Variants in OSBPL3 observed in about 807,000 individuals in gnomAD.
The protein encoded by OSBPL3 is oxysterol-binding protein-related protein 3.
OSBPL3 carries 65 observed loss-of-function variants against 120.1 expected under a neutral mutation model. The observed-to-expected ratio is 0.54, with a 90% CI of 0.44 to 0.67. OSBPL3 has a LOEUF of 0.67. Ranked by LOEUF, OSBPL3 falls within the 30% of genes least tolerant of loss-of-function variation. OSBPL3 has a pLI of 0.00. For synonymous variants in OSBPL3, 416 were observed against 402.6 expected (o/e 1.03, Z -0.40); for missense variants, 1,004 against 1,082.1 (o/e 0.93, Z 1.01).
chr7:24,811,508 T>C (rs1368240269), intron 19 of OSBPL3, among the ~76,000 whole-genome samples: 2 of 152,270 alleles, frequency 1.3e-5, no homozygotes, highest in African/African-American at 4.8e-5. Flanking sequence ...TAGTTTGATA[T>C]AATCCCATTT....
In OSBPL3 at chr7:24,979,617, T is replaced by C. The variant is rs548909005; in HGVS notation, c.-150+269A>G. Among the ~76,000 whole-genome samples, 1,027 of 152,018 alleles carry C rather than the reference T, an allele frequency of 6.8e-3. 9 individuals carry two copies. The highest frequency in any genetic ancestry group is 0.023 in the African/African-American group (949 of 41,448). On this transcript the variant is annotated intron_variant, in intron 1 of 22. Transcript: ENST00000313367. ...CGCCGCGGCCCCTGCGCTCGGCTCCTCCTGGCGGTCAATCCTCTGAGCCGT... is the reference window on the plus strand; with the variant it reads ...CGCCGCGGCCCCTGCGCTCGGCTCCCCCTGGCGGTCAATCCTCTGAGCCGT...
At position 24,851,361 on chromosome 7, in the gene OSBPL3, A is replaced by C. The variant is rs1003093395; in HGVS notation, c.1158+1143T>G. 2.6e-5 allele frequency among the ~76,000 whole-genome samples: 4 copies of C among 152,252 alleles called. No individual in the cohort carries two copies. The highest frequency in any genetic ancestry group is 5.9e-5 in the Non-Finnish European group (4 of 68,054). On this transcript the variant is annotated intron_variant, in intron 11 of 22. Coordinates refer to ENST00000313367, the MANE Select transcript of OSBPL3 (RefSeq NM_015550.4). The surrounding 1 kb of genome is among the most constrained non-coding windows in gnomAD (Gnocchi z 4.1). The stretch of plus-strand genomic sequence containing the variant: ...GTTATTTTTAATTTCTTTTGAAGAT[A>C]GCATACTTGTAATGGTCCATCAGTG...
intron 1 of OSBPL3, among the ~76,000 whole-genome samples, chr7:24,917,126 T>C (rs1178771052): frequency 6.6e-6 from 1 of 151,980 alleles, no homozygotes; most frequent in Non-Finnish European, 1.5e-5. Context: ...GCTTATCTAC[T>C]ACCCCAGCAC....
intron 12 of OSBPL3, among the ~76,000 whole-genome samples, chr7:24,845,594 A>G (rs1798349845): frequency 6.9e-6 from 1 of 145,508 alleles, no homozygotes; most frequent in African/African-American, 2.5e-5. Flanking sequence ...TGTCAATTTC[A>G]CTGAAAATAT....
intron 7 of OSBPL3, 43 bp downstream of exon 7, chr7:24,865,299 T>A (rs536806451): frequency 1.2e-6 from 2 of 1,605,404 alleles, no homozygotes; most frequent in South Asian, 2.2e-5. Flanking sequence ...ACCAGTATCA[T>A]CTAATAGCCA....
intron 1 of OSBPL3, among the ~76,000 whole-genome samples, chr7:24,957,731 A>G (rs948350270): frequency 6.6e-6 from 1 of 152,134 alleles, no homozygotes; most frequent in African/African-American, 2.4e-5. Flanking sequence ...AGCAACCAAA[A>G]AGGAGGGAGG....
rs1489398576 is a variant in OSBPL3, at chr7:24,855,964, C to T, written c.1028-3330G>A. On this transcript the variant is annotated intron_variant, in intron 10 of 22. Coordinates refer to ENST00000313367, the MANE Select transcript of OSBPL3 (RefSeq NM_015550.4). This position sits in a 1 kb window ranked among gnomAD's most constrained non-coding sequence, Gnocchi z 4.3. ...CCCCGCCAAATGGTCTGCTGGCCCA[C>T]GCTTGTCAGAGCACTTGCTATCTCC... Among the ~76,000 whole-genome samples the T allele has an allele frequency of 1.3e-5, 2 of 152,222 alleles. No individual in the cohort carries two copies. The highest frequency in any genetic ancestry group is 2.4e-5 in the African/African-American group (1 of 41,446).
intron 2 of OSBPL3, among the ~76,000 whole-genome samples, chr7:24,875,495 T>A (rs2128294602): frequency 6.6e-6 from 1 of 152,306 alleles, no homozygotes; most frequent in African/African-American, 2.4e-5. Flanking sequence ...TCCTTTATAT[T>A]ACAGTAAAGC....
intron 2 of OSBPL3, among the ~76,000 whole-genome samples, chr7:24,878,827 C>T (rs1041642629): frequency 6.6e-6 from 1 of 152,184 alleles, no homozygotes; most frequent in African/African-American, 2.4e-5. Flanking sequence ...GTTAAAAATG[C>T]AGATTTAAGT....
At position 24,846,165 on chromosome 7, in the gene OSBPL3, C is replaced by T. The variant is rs145533182; in HGVS notation, c.1266+2904G>A. On this transcript the variant is annotated intron_variant, in intron 12 of 22. Transcript: ENST00000313367. ...AGAGTTATTCTGTCCCATTCTTACC[C>T]ATCATCCCTTATTTTAACTGCTGGA... is the stretch of plus-strand genomic sequence containing the variant. Among the ~76,000 whole-genome samples, 237 of 152,262 alleles carry T rather than the reference C, an allele frequency of 1.6e-3. 2 individuals are homozygous for T. Among genetic ancestry groups the T allele is most frequent in the African/African-American group, 5.4e-3 (223 of 41,548 alleles).
chr7:24,954,454 T>C (rs1243135106), intron 1 of OSBPL3, among the ~76,000 whole-genome samples: 3 of 152,280 alleles, frequency 2.0e-5, no homozygotes, highest in East Asian at 3.9e-4. Flanking sequence ...CATATAATCA[T>C]ATCCACGAGA....
In OSBPL3 at chr7:24,851,189, G is replaced by A. The variant is rs10238784; in HGVS notation, c.1158+1315C>T. Among the ~76,000 whole-genome samples the A allele has an allele frequency of 0.19, 28,922 of 151,404 alleles. 3,104 individuals are homozygous for A. Among genetic ancestry groups the A allele is most frequent in the East Asian group, 0.46 (2,357 of 5,138 alleles). ...TAATGAGAACAATAAGAAAGTTAGG[G>A]AAAAAAAACAAAAACACTTTGCTTC... On this transcript the variant is annotated intron_variant, in intron 11 of 22. Coordinates refer to ENST00000313367, the MANE Select transcript of OSBPL3 (RefSeq NM_015550.4). This position sits in a 1 kb window ranked among gnomAD's most constrained non-coding sequence, Gnocchi z 4.1.
Position 24,842,317 on chromosome 7 carries a change from G to A in OSBPL3, c.1363C>T (p.Gln455Ter). The A allele has an allele frequency of 6.2e-7, 1 of 1,613,690 alleles. No individual in the cohort carries two copies. Among genetic ancestry groups the A allele is most frequent in the Non-Finnish European group, 8.5e-7 (1 of 1,179,848 alleles). The change falls in exon 13 of 23, where the codon CAG becomes TAG. Residue 455 changes from glutamine to a stop codon, truncating the protein, a stop_gained. Coordinates refer to ENST00000313367, the MANE Select transcript of OSBPL3 (RefSeq NM_015550.4). LOFTEE classifies it high-confidence loss of function. ...TDSLSEFFDA[Q>*]EVLLSPSSSE... Reference sequence around the variant, plus strand: ...GAGCTTGGAGATAACAGAACTTCCTGAGCATCAAAAAACTCAGAAAGGGAG... The same window carrying A: ...GAGCTTGGAGATAACAGAACTTCCTAAGCATCAAAAAACTCAGAAAGGGAG...
intron 1 of OSBPL3, among the ~76,000 whole-genome samples, chr7:24,931,037 T>C (rs1363190087): frequency 6.6e-6 from 1 of 152,186 alleles, no homozygotes; most frequent in Non-Finnish European, 1.5e-5. Flanking sequence ...TTCCCAACCA[T>C]TGCTTCCTGA....
At chr7:24,980,354 G>A (rs1818180599), upstream of OSBPL3, among the ~76,000 whole-genome samples, 1 of 151,924 alleles carries the variant, frequency 6.6e-6, no homozygotes, top group African/African-American at 2.4e-5. Flanking sequence ...GTCCTCGGAA[G>A]AAGCCAGCGG....
Position 24,851,733 on chromosome 7 carries a change from T to TA in OSBPL3, c.1158+770dup, listed in dbSNP as rs58522303. 0.32 allele frequency among the ~76,000 whole-genome samples: 46,059 copies of TA among 143,506 alleles called. 7,067 individuals are homozygous for TA. The highest frequency in any genetic ancestry group is 0.38 in the East Asian group (1,887 of 4,968). 94.1% of individuals were successfully genotyped at this position (143,506 alleles called of 152,430 possible). On this transcript the variant is annotated intron_variant, in intron 11 of 22. Transcript: ENST00000313367. The surrounding 1 kb of genome is among the most constrained non-coding windows in gnomAD (Gnocchi z 4.1). ...CTCTAGCCTCCTGATAGATTCAGGG[T>TA]AAAAAAAAAAAAACGAGATAACTTT...
rs1421143481 is a variant in OSBPL3, at chr7:24,933,960, G to A, written c.-149-41339C>T. ...ATAAATACCTTTATAGATGACATTAGAAAAGCAAAGTTTAAGAATGCAGAT... is the reference window on the plus strand; with the variant it reads ...ATAAATACCTTTATAGATGACATTAAAAAAGCAAAGTTTAAGAATGCAGAT... On this transcript the variant is annotated intron_variant, in intron 1 of 22. Coordinates refer to ENST00000313367, the MANE Select transcript of OSBPL3 (RefSeq NM_015550.4). This position sits in a 1 kb window ranked among gnomAD's most constrained non-coding sequence, Gnocchi z 5.1. 6.6e-6 allele frequency among the ~76,000 whole-genome samples: 1 copy of A among 152,172 alleles called. No individual in the cohort carries two copies. The highest frequency in any genetic ancestry group is 1.5e-5 in the Non-Finnish European group (1 of 68,020).
intron 1 of OSBPL3, among the ~76,000 whole-genome samples, chr7:24,917,518 T>A (rs111468058): frequency 0.02 from 2,931 of 149,482 alleles, 106 homozygotes; most frequent in African/African-American, 0.068. Flanking sequence ...AATTTTTTTG[T>A]AACTCCTAAT....
At chr7:24,917,775 T>A (rs988193202) in intron 1 of OSBPL3, among the ~76,000 whole-genome samples, 1 of 152,086 alleles carries the variant, frequency 6.6e-6, no homozygotes, top group Non-Finnish European at 1.5e-5. Context: ...CTTTGGGAAG[T>A]CCTGCTCTTA....
Sources: gnomAD v4.1 joint callset for allele counts (sites outside exome capture counted in the v4.1 genomes callset) on GRCh38, gnomAD v4.1.1 for gene constraint, Gnocchi (gnomAD v3.1) non-coding constraint, MANE v1.5 for transcripts, NCBI Gene and HGNC (gene_info 2026-07-23, HGNC 2026-07-21) for gene names.